The following KIAA2012 variants were observed in gnomAD, a reference collection of about 807,000 sequenced individuals.
KIAA2012 encodes the protein uncharacterized protein KIAA2012.
In KIAA2012, 125 loss-of-function variants were observed where a neutral mutation model predicts 150.6. That is an observed-to-expected ratio of 0.83 (90% CI 0.72 to 0.96). KIAA2012 has a LOEUF of 0.96. Ranked by LOEUF, KIAA2012 falls within the 40% of genes least tolerant of loss-of-function variation. The pLI is 0.00. For missense variants in KIAA2012, 1,219 were observed against 1,354.9 expected, an observed-to-expected ratio of 0.90 and a Z score of 1.57; for synonymous variants, 462 against 504.7, an observed-to-expected ratio of 0.92 and a Z score of 1.13.
Position 202,194,310 on chromosome 2 carries a change from G to GA in KIAA2012, c.3138dup (p.Leu1047ThrfsTer42). 1 of 1,550,532 alleles carries GA rather than the reference G, an allele frequency of 6.4e-7. No individual in the cohort carries two copies. Among genetic ancestry groups the GA allele is most frequent in the South Asian group, 1.2e-5 (1 of 84,064 alleles). On this transcript the variant is annotated frameshift_variant, in exon 21 of 24. Transcript: ENST00000498697. LOFTEE classifies it high-confidence loss of function. The stretch of plus-strand genomic sequence containing the variant: ...GGCAACAGCAAGAGGAGTTTCGGAG[G>GA]AAACTGCGAGAACTACAGAGAAAAA...
At chr2:202,190,620 T>C in intron 19 of KIAA2012, 127 bp downstream of exon 19, 1 of 711,718 alleles carries the variant, frequency 1.4e-6, no homozygotes, top group South Asian at 2.2e-5. Context: ...AATGGTCTTA[T>C]TGTTCTACTT....
At chr2:202,153,914 C>T (rs767606055) in intron 13 of KIAA2012, among the ~76,000 whole-genome samples, 7 of 152,240 alleles carry the variant, frequency 4.6e-5, no homozygotes, top group South Asian at 2.1e-4. Flanking sequence ...AGGACAATGG[C>T]CTTTGAAGGT....
chr2:202,165,339 C>T lies in KIAA2012; in HGVS notation c.2102C>T (p.Thr701Ile), dbSNP rs1295536571. 2.6e-5 allele frequency: 40 copies of T among 1,550,218 alleles called. No homozygotes were observed. The highest frequency in any genetic ancestry group is 3.3e-5 in the Non-Finnish European group (38 of 1,146,816). Reference sequence around the variant, plus strand: ...GAAGCAGGGAGACCCCTCAGAGAAACTCACCACAACGACCAAGGTACAGAC... The same window carrying T: ...GAAGCAGGGAGACCCCTCAGAGAAATTCACCACAACGACCAAGGTACAGAC... ...QEEAGRPLRETHHNDQDPEPR... is the reference protein window; with the variant it reads ...QEEAGRPLREIHHNDQDPEPR... Residue 701 changes from threonine to isoleucine, a missense_variant, in exon 15 of 24, where the codon ACT becomes ATT. Coordinates refer to ENST00000498697, the MANE Select transcript of KIAA2012 (RefSeq NM_001277372.4).
chr2:202,114,648 T>A (rs1690467039), intron 11 of KIAA2012: 3 of 150,312 alleles, frequency 2.0e-5, no homozygotes, highest in African/African-American at 7.5e-5. Context: ...GTCAATATGA[T>A]GCTTCAGTCA....
intron 11 of KIAA2012, chr2:202,116,669 CT>C (rs1690536526): frequency 6.6e-6 from 1 of 152,014 alleles, no homozygotes; most frequent in African/African-American, 2.4e-5. Flanking sequence ...GCAACTCTTT[CT>C]TGGTGTGGTG....
At chr2:202,084,614 A>C (rs1689522137) in intron 2 of KIAA2012, among the ~76,000 whole-genome samples, 1 of 152,054 alleles carries the variant, frequency 6.6e-6, no homozygotes. Context: ...TCCTGCTGTC[A>C]TGTTTATTTT....
At chr2:202,127,680 G>A (rs1690829550) in intron 12 of KIAA2012, among the ~76,000 whole-genome samples, 1 of 152,144 alleles carries the variant, frequency 6.6e-6, no homozygotes, top group African/African-American at 2.4e-5. Context: ...GATCCTTCTC[G>A]CCTCTATTCC....
rs1373200925 is a variant in KIAA2012 at position 202,099,624 on chromosome 2, A to G, written c.840A>G (p.Ile280Met). 3 of 1,549,916 alleles carry G rather than the reference A, an allele frequency of 1.9e-6. No individual in the cohort carries two copies. Among genetic ancestry groups the G allele is most frequent in the East Asian group, 2.4e-5 (1 of 40,902 alleles). The change falls in exon 6 of 24, where the codon ATA (isoleucine) becomes ATG (methionine). Residue 280 changes from isoleucine to methionine, a missense_variant. By Grantham distance (10) the Ile-to-Met change is conservative. Coordinates refer to ENST00000498697, the MANE Select transcript of KIAA2012 (RefSeq NM_001277372.4). ...EDETQAEDTS[I>M]ENHLCLYASK... Reference sequence around the variant, plus strand: ...CTGTCGTTCCCTAGGACACGTCAATAGAGAATCACCTTTGTTTATATGCTT... The same window carrying G: ...CTGTCGTTCCCTAGGACACGTCAATGGAGAATCACCTTTGTTTATATGCTT...
chr2:202,150,163 C>T (rs1302519548), intron 13 of KIAA2012, among the ~76,000 whole-genome samples: 2 of 152,182 alleles, frequency 1.3e-5, no homozygotes, highest in Non-Finnish European at 2.9e-5. Flanking sequence ...ACAGTCATCT[C>T]CTTTTAAATG....
intron 14 of KIAA2012, among the ~76,000 whole-genome samples, chr2:202,156,810 G>A (rs939087801): frequency 4.6e-5 from 7 of 152,118 alleles, no homozygotes; most frequent in South Asian, 2.1e-4. Context: ...GCATGAACCC[G>A]GGAGGTGGAG....
intron 10 of KIAA2012, among the ~76,000 whole-genome samples, chr2:202,111,100 A>T (rs1690337045): frequency 6.6e-6 from 1 of 152,114 alleles, no homozygotes; most frequent in African/African-American, 2.4e-5. Context: ...TTATGTCCCC[A>T]CCTGGGGCCT....
At chr2:202,180,202 C>T (rs1383568045) in intron 15 of KIAA2012, among the ~76,000 whole-genome samples, 5 of 142,036 alleles carry the variant, frequency 3.5e-5, no homozygotes, top group African/African-American at 7.9e-5. Context: ...ACCCGGGAGG[C>T]GGAGGTTGCG....
In KIAA2012 at chr2:202,113,382, T is replaced by A. The variant is rs1690429350; in HGVS notation, c.1698T>A (p.Asp566Glu). The change falls in exon 11 of 24, where the codon GAT becomes GAA. Residue 566 changes from aspartate to glutamate, a missense_variant. By Grantham distance (45) the Asp-to-Glu change is conservative (BLOSUM62 2). Coordinates refer to ENST00000498697, the MANE Select transcript of KIAA2012 (RefSeq NM_001277372.4). ...TGGGACACTTCTTGCTGGGTCCAGATGGAGAAAAAGTCTGCCTGTCCCTCC... is the reference window on the plus strand; with the variant it reads ...TGGGACACTTCTTGCTGGGTCCAGAAGGAGAAAAAGTCTGCCTGTCCCTCC... Reference protein sequence around the residue: ...PTLGHFLLGPDGEKVCLSLPG... With the variant: ...PTLGHFLLGPEGEKVCLSLPG... 1 of 1,550,494 alleles carries A rather than the reference T, an allele frequency of 6.4e-7. No individual in the cohort carries two copies. The highest frequency in any genetic ancestry group is 1.2e-5 in the South Asian group (1 of 84,054).
chr2:202,134,235 C>T (rs1232235947), intron 12 of KIAA2012, among the ~76,000 whole-genome samples: 1 of 152,182 alleles, frequency 6.6e-6, no homozygotes, highest in Non-Finnish European at 1.5e-5. Context: ...GCATGTTAGC[C>T]ATCAAAGGGT....
chr2:202,148,227 T>A (rs1157744442), intron 13 of KIAA2012, among the ~76,000 whole-genome samples: 4 of 152,206 alleles, frequency 2.6e-5, no homozygotes, highest in Non-Finnish European at 5.9e-5. Flanking sequence ...ACAGAATGAC[T>A]TAGCCAAAGT....
chr2:202,178,459 C>A (rs1470659669), intron 15 of KIAA2012, among the ~76,000 whole-genome samples: 1 of 152,100 alleles, frequency 6.6e-6, no homozygotes, highest in African/African-American at 2.4e-5. Context: ...CATCCCAAAA[C>A]TGGGAAGGTT....
chr2:202,136,695 C>G (rs1482020596), intron 12 of KIAA2012: 1 of 152,456 alleles, frequency 6.6e-6, no homozygotes, highest in Non-Finnish European at 1.5e-5. Flanking sequence ...CTGCTGCACG[C>G]AGCCCCGGCT....
chr2:202,150,303 C>G (rs937225621), intron 13 of KIAA2012, among the ~76,000 whole-genome samples: 4 of 152,146 alleles, frequency 2.6e-5, no homozygotes, highest in Non-Finnish European at 4.4e-5. Context: ...GTGTTTTTAG[C>G]AGAACATAAA....
intron 14 of KIAA2012, among the ~76,000 whole-genome samples, chr2:202,164,666 C>T (rs1691722899): frequency 6.6e-6 from 1 of 152,190 alleles, no homozygotes; most frequent in Non-Finnish European, 1.5e-5. Context: ...GCCTTCAAGG[C>T]CATGGGGGTT....
Sources: gnomAD v4.1 joint callset for allele counts (sites outside exome capture counted in the v4.1 genomes callset) on GRCh38, gnomAD v4.1.1 for gene constraint, MANE v1.5 for transcripts, NCBI Gene and HGNC (gene_info 2026-07-23, HGNC 2026-07-21) for gene names.